Variants in RPTOR observed in about 807,000 individuals in gnomAD.
The protein encoded by RPTOR is regulatory-associated protein of mTOR.
Under a neutral mutation model 169.9 loss-of-function variants are expected in RPTOR, and 21 were observed. The ratio of observed to expected loss-of-function variants is 0.12; its 90% CI spans 0.09 to 0.18. RPTOR has a LOEUF of 0.18. Ranked by LOEUF, RPTOR falls within the 10% of genes least tolerant of loss-of-function variation. The pLI, the probability that RPTOR is intolerant of heterozygous loss-of-function variation, is 1.00. For synonymous variants in RPTOR, 732 were observed against 753.2 expected, an observed-to-expected ratio of 0.97 and a Z score of 0.46; for missense variants, 1,133 against 1,855.9, an observed-to-expected ratio of 0.61 and a Z score of 7.16.
chr17:80,840,551 TCA>T (rs2067622720), intron 10 of RPTOR, among the ~76,000 whole-genome samples: 1 of 130,282 alleles, frequency 7.7e-6, no homozygotes, highest in Non-Finnish European at 1.6e-5. Context: ...CAGCTCACTC[TCA>T]CCGCACGGCA....
chr17:80,559,495 G>A (rs939116350), intron 1 of RPTOR, among the ~76,000 whole-genome samples: 6 of 152,194 alleles, frequency 3.9e-5, no homozygotes, highest in Non-Finnish European at 4.4e-5. Context: ...TCCTGTTAGT[G>A]GCGAATGGCA....
chr17:80,738,801 C>T (rs2066456713), intron 5 of RPTOR, among the ~76,000 whole-genome samples: 1 of 152,222 alleles, frequency 6.6e-6, no homozygotes, highest in Non-Finnish European at 1.5e-5. Context: ...TTTGAATAAA[C>T]TACCTTTAGT....
chr17:80,773,435 A>G (rs1260107721), intron 6 of RPTOR, among the ~76,000 whole-genome samples: 1 of 152,192 alleles, frequency 6.6e-6, no homozygotes, highest in East Asian at 1.9e-4. Context: ...GTCGTTTAAA[A>G]TGTCTCTGCT....
At chr17:80,795,459 T>C (rs1447285230) in intron 7 of RPTOR, among the ~76,000 whole-genome samples, 2 of 152,186 alleles carry the variant, frequency 1.3e-5, no homozygotes, top group Admixed American at 6.5e-5. Flanking sequence ...TCTCAGCCAG[T>C]GCGATCAGAC....
chr17:80,792,046 T>C (rs952762989), intron 7 of RPTOR, among the ~76,000 whole-genome samples: 1 of 152,140 alleles, frequency 6.6e-6, no homozygotes, highest in Non-Finnish European at 1.5e-5. Context: ...TCCAGTCCCA[T>C]TGGCCAACCC....
rs546304179 is a variant in RPTOR at position 80,706,543 on chromosome 17, A to G, written c.349-1298A>G. On this transcript the variant is annotated intron_variant, in intron 3 of 33. Coordinates refer to ENST00000306801, the MANE Select transcript of RPTOR (RefSeq NM_020761.3). ...ACTATGTAAACACTGTTCTCAAGCA[A>G]GCCAAGTCATGTGTACTTGGGTCTG... Among the ~76,000 whole-genome samples, 74 of 152,292 alleles carry G rather than the reference A, an allele frequency of 4.9e-4. No individual in the cohort carries two copies. The South Asian group carries it at 0.014, about 29-fold the overall frequency.
intron 4 of RPTOR, among the ~76,000 whole-genome samples, chr17:80,709,800 C>A (rs2066172044): frequency 6.6e-6 from 1 of 152,164 alleles, no homozygotes; most frequent in Non-Finnish European, 1.5e-5. Context: ...CGGCTCCCTG[C>A]TGCTCAAAGC....
intron 3 of RPTOR, among the ~76,000 whole-genome samples, chr17:80,672,886 C>T (rs755274164): frequency 5.3e-5 from 8 of 152,068 alleles, no homozygotes; most frequent in Admixed American, 2.0e-4. Context: ...CCCTAAAGAA[C>T]GGAGGGTTCT....
chr17:80,678,781 G>C (rs1204663703), intron 3 of RPTOR, among the ~76,000 whole-genome samples: 1 of 152,172 alleles, frequency 6.6e-6, no homozygotes, highest in African/African-American at 2.4e-5. Flanking sequence ...CAGTATCGTG[G>C]TGTTGAGTCA....
At chr17:80,756,440 C>T (rs998193930) in intron 6 of RPTOR, among the ~76,000 whole-genome samples, 6 of 152,156 alleles carry the variant, frequency 3.9e-5, no homozygotes, top group African/African-American at 1.2e-4. Flanking sequence ...AGGGAGATTA[C>T]GGTTAACAGA....
In RPTOR at chr17:80,675,952, A is replaced by G. The variant is rs150760402; in HGVS notation, c.349-31889A>G. ...CTACTCTTAAGAGGTATGATGAAAT[A>G]CTTTTGAGAGTGTGAATTTCACTAA... is the stretch of plus-strand genomic sequence containing the variant. On this transcript the variant is annotated intron_variant, in intron 3 of 33. Transcript: ENST00000306801. Among the ~76,000 whole-genome samples the G allele has an allele frequency of 2.6e-3, 399 of 152,342 alleles. 2 individuals are homozygous for G. The highest frequency in any genetic ancestry group is 9.4e-3 in the African/African-American group (389 of 41,582).
At chr17:80,955,772 G>A (rs1008452801) in intron 28 of RPTOR, among the ~76,000 whole-genome samples, 2 of 152,096 alleles carry the variant, frequency 1.3e-5, no homozygotes, top group Non-Finnish European at 2.9e-5. Flanking sequence ...CCCATTTGGG[G>A]AATGAAATGG....
intron 3 of RPTOR, among the ~76,000 whole-genome samples, chr17:80,688,773 T>A (rs4889879): frequency 0.18 from 26,763 of 152,230 alleles, 3,764 homozygotes; most frequent in African/African-American, 0.39. Context: ...TTAAACTAGA[T>A]GTATCTCTAG....
chr17:80,646,523 A>G lies in RPTOR; in HGVS notation c.348+2713A>G, dbSNP rs369515876. Among the ~76,000 whole-genome samples the G allele has an allele frequency of 1.3e-4, 20 of 152,180 alleles. 1 individual carries two copies. The highest frequency in any genetic ancestry group is 1.2e-3 in the East Asian group (6 of 5,190). On this transcript the variant is annotated intron_variant, in intron 3 of 33. Coordinates refer to ENST00000306801, the MANE Select transcript of RPTOR (RefSeq NM_020761.3). This position sits in a 1 kb window ranked among gnomAD's most constrained non-coding sequence, Gnocchi z 5.0. ...CATGCTGCCTTCTAGAGTTTGCATG[A>G]AACAGGAGGCACTTAGCAAACTCAG...
chr17:80,667,243 G>T (rs143026807), intron 3 of RPTOR, among the ~76,000 whole-genome samples: 1 of 152,282 alleles, frequency 6.6e-6, no homozygotes, highest in Non-Finnish European at 1.5e-5. Flanking sequence ...TCTTGGAGAG[G>T]CTGGAGGGGG....
At chr17:80,912,521 A>G (rs1049936140) in intron 21 of RPTOR, among the ~76,000 whole-genome samples, 1 of 152,146 alleles carries the variant, frequency 6.6e-6, no homozygotes, top group Non-Finnish European at 1.5e-5. Flanking sequence ...TATAAGGACT[A>G]TTAAGTGCGT....
At chr17:80,816,392 C>T (rs887834719) in intron 7 of RPTOR, among the ~76,000 whole-genome samples, 3 of 152,254 alleles carry the variant, frequency 2.0e-5, no homozygotes, top group Non-Finnish European at 4.4e-5. Flanking sequence ...CAGTGAAACG[C>T]GAATCCACAG....
At position 80,947,369 on chromosome 17, in the gene RPTOR, A is replaced by G. The variant is rs1389649037; in HGVS notation, c.3265+18A>G. 3.3e-6 allele frequency: 5 copies of G among 1,534,962 alleles called. No homozygotes were observed. Among genetic ancestry groups the G allele is most frequent in the African/African-American group, 1.4e-5 (1 of 71,540 alleles). On this transcript the variant is annotated intron_variant, in intron 27 of 33. Transcript: ENST00000306801. This position sits in a 1 kb window ranked among gnomAD's most constrained non-coding sequence, Gnocchi z 4.4. ...GGCCACAGGTGAGCGGGGTTTGCACAGCCAGGATTGGAAGCCAGGGTCTGG... is the reference window on the plus strand; with the variant it reads ...GGCCACAGGTGAGCGGGGTTTGCACGGCCAGGATTGGAAGCCAGGGTCTGG...
chr17:80,858,397 A>G (rs1008309978), intron 13 of RPTOR, among the ~76,000 whole-genome samples: 1 of 152,242 alleles, frequency 6.6e-6, no homozygotes, highest in African/African-American at 2.4e-5. Context: ...ACCCCCTTAC[A>G]CGGGGCTGTC....
Sources: gnomAD v4.1 joint callset for allele counts (sites outside exome capture counted in the v4.1 genomes callset) on GRCh38, gnomAD v4.1.1 for gene constraint, Gnocchi (gnomAD v3.1) non-coding constraint, MANE v1.5 for transcripts, NCBI Gene and HGNC (gene_info 2026-07-23, HGNC 2026-07-21) for gene names.